Variants in EGFR observed in about 807,000 individuals in gnomAD.
The protein encoded by EGFR is avian erythroblastic leukemia viral (v-erb-b) oncogene homolog.
A neutral mutation model predicts 143.0 loss-of-function variants in EGFR; 58 were observed. That is an observed-to-expected ratio of 0.41 (90% confidence interval 0.33 to 0.50). The LOEUF (loss-of-function observed/expected upper bound fraction) is 0.50, where lower values mean the gene tolerates loss of function less well. EGFR is among the 20% of genes least tolerant of loss of function. EGFR has a pLI of 0.39. For synonymous variants in EGFR, 613 were observed against 594.4 expected (o/e 1.03, Z -0.45); for missense variants, 1,307 against 1,579.0 (o/e 0.83, Z 2.92).
intron 1 of EGFR, among the ~76,000 whole-genome samples, chr7:55,136,069 C>T (rs1794123095): frequency 6.6e-6 from 1 of 152,170 alleles, no homozygotes; most frequent in African/African-American, 2.4e-5. Context: ...TCCTGTCATG[C>T]TTCCGTGCAT....
chr7:55,192,656 A>C (rs1787450991), intron 21 of EGFR, 110 bp from the exon 22 acceptor site: 1 of 990,816 alleles, frequency 1.0e-6, no homozygotes. Context: ...TCCTGGGGTG[A>C]TCTGGCTCGT....
At chr7:55,131,287 CTT>C in intron 1 of EGFR, among the ~76,000 whole-genome samples, 1 of 144,684 alleles carries the variant, frequency 6.9e-6, no homozygotes, top group South Asian at 2.2e-4. Flanking sequence ...TTTCCACCTT[CTT>C]TTTTTTTTTT....
At chr7:55,044,377 A>G (rs1164038282) in intron 1 of EGFR, among the ~76,000 whole-genome samples, 1 of 152,184 alleles carries the variant, frequency 6.6e-6, no homozygotes, top group Non-Finnish European at 1.5e-5. Flanking sequence ...GCTTTATGGG[A>G]CTTTGAAATA....
At chr7:55,075,370 A>G (rs556680717) in intron 1 of EGFR, among the ~76,000 whole-genome samples, 24 of 152,186 alleles carry the variant, frequency 1.6e-4, no homozygotes, top group Non-Finnish European at 3.1e-4. Context: ...TGTGACCAAC[A>G]TGACAGAATT....
intron 1 of EGFR, among the ~76,000 whole-genome samples, chr7:55,104,934 G>A (rs2128903901): frequency 6.6e-6 from 1 of 152,346 alleles, no homozygotes; most frequent in East Asian, 1.9e-4. Context: ...CTACTCAAGT[G>A]AAAGAGAAAA....
chr7:55,027,991 A>T (rs759164), intron 1 of EGFR, among the ~76,000 whole-genome samples: 1,599 of 54,446 alleles, frequency 0.029, 25 homozygotes, highest in Middle Eastern at 0.062. Context: ...AAAAAAAAAA[A>T]ATATATATAT....
intron 1 of EGFR, among the ~76,000 whole-genome samples, chr7:55,020,854 G>T (rs1786524977): frequency 1.3e-5 from 2 of 151,040 alleles, no homozygotes; most frequent in Admixed American, 6.6e-5. Context: ...GTGGTTCCCA[G>T]ACCTTGCTGC....
intron 1 of EGFR, among the ~76,000 whole-genome samples, chr7:55,121,995 T>C (rs1242983553): frequency 1.3e-5 from 2 of 152,170 alleles, no homozygotes; most frequent in South Asian, 2.1e-4. Flanking sequence ...TTCTTCACTA[T>C]CCAAAAAGAC....
At chr7:55,121,494 T>C (rs1793202925) in intron 1 of EGFR, among the ~76,000 whole-genome samples, 1 of 152,240 alleles carries the variant, frequency 6.6e-6, no homozygotes, top group Non-Finnish European at 1.5e-5. Flanking sequence ...TGTGAGGTAC[T>C]GCCCTTCGAG....
intron 1 of EGFR, among the ~76,000 whole-genome samples, chr7:55,124,189 C>A (rs951069310): frequency 7.9e-5 from 12 of 152,280 alleles, no homozygotes; most frequent in African/African-American, 2.9e-4. Flanking sequence ...ATATGTTTCC[C>A]AGTGCTATTG....
chr7:55,097,244 G>T (rs1791532566), intron 1 of EGFR, among the ~76,000 whole-genome samples: 1 of 109,474 alleles, frequency 9.1e-6, no homozygotes, highest in African/African-American at 3.2e-5. Flanking sequence ...AGGCAGTACT[G>T]CCTGGAACGC....
At chr7:55,184,269 A>G (rs6965663) in intron 20 of EGFR, among the ~76,000 whole-genome samples, 87,043 of 151,514 alleles carry the variant, frequency 0.57, 25,620 homozygotes, top group Middle Eastern at 0.69. Context: ...TGGCTGACCT[A>G]GGTTGGAGCA....
intron 1 of EGFR, among the ~76,000 whole-genome samples, chr7:55,113,900 G>T (rs1015486518): frequency 6.6e-6 from 1 of 152,148 alleles, no homozygotes; most frequent in African/African-American, 2.4e-5. Flanking sequence ...GGGGCTTTGA[G>T]CAGCTGCTGC....
Position 55,142,420 on chromosome 7 carries a change from G to A in EGFR, c.223G>A (p.Asp75Asn), listed in dbSNP as rs2128926427. Residue 75 changes from aspartate to asparagine, a missense_variant, in exon 2 of 28, where the codon GAT becomes AAT. Around this residue, in one of 7 missense-constraint regions of EGFR, gnomAD observed 311 missense variants for 412.3 expected, o/e 0.75. Transcript: ENST00000275493. ...LEITYVQRNY[D>N]LSFLKTIQEV... ...AATTACCTATGTGCAGAGGAATTATGATCTTTCCTTCTTAAAGGTTGGTGA... is the reference window on the plus strand; with the variant it reads ...AATTACCTATGTGCAGAGGAATTATAATCTTTCCTTCTTAAAGGTTGGTGA... The A allele has an allele frequency of 1.2e-6, 2 of 1,614,140 alleles. No individual in the cohort carries two copies. The highest frequency in any genetic ancestry group is 1.7e-6 in the Non-Finnish European group (2 of 1,180,030).
At chr7:55,099,694 G>T (rs776514306) in intron 1 of EGFR, among the ~76,000 whole-genome samples, 7 of 152,164 alleles carry the variant, frequency 4.6e-5, no homozygotes, top group Non-Finnish European at 1.0e-4. Context: ...AGCTGCACAG[G>T]CAGACTCCTG....
At chr7:55,037,299 A>G (rs1327218257) in intron 1 of EGFR, among the ~76,000 whole-genome samples, 2 of 152,222 alleles carry the variant, frequency 1.3e-5, no homozygotes, top group African/African-American at 4.8e-5. Flanking sequence ...TTACATGGAT[A>G]GAAAACGTAG....
At chr7:55,156,476 T>C in intron 8 of EGFR, 57 bp from the exon 9 acceptor site, 1 of 1,611,116 alleles carries the variant, frequency 6.2e-7, no homozygotes, top group East Asian at 2.2e-5. Context: ...TGTGGATCCC[T>C]AGCTATTCTT....
chr7:55,117,929 T>C (rs1411103177), intron 1 of EGFR, among the ~76,000 whole-genome samples: 1 of 152,178 alleles, frequency 6.6e-6, no homozygotes, highest in African/African-American at 2.4e-5. Context: ...GTTTGAGACA[T>C]GCACCTGTGC....
intron 1 of EGFR, among the ~76,000 whole-genome samples, chr7:55,053,592 T>C (rs778602742): frequency 7.9e-5 from 12 of 152,246 alleles, no homozygotes; most frequent in Non-Finnish European, 1.5e-4. Flanking sequence ...TCATGAGAGC[T>C]GAGTTTGCTG....
Sources: gnomAD v4.1 joint callset for allele counts (sites outside exome capture counted in the v4.1 genomes callset) on GRCh38, gnomAD v4.1.1 for gene constraint, gnomAD v4.1.1 regional missense constraint, MANE v1.5 for transcripts, NCBI Gene and HGNC (gene_info 2026-07-23, HGNC 2026-07-21) for gene names.